COL9A2: variants seen among roughly 807,000 people sequenced by gnomAD.
COL9A2 encodes the protein collagen type IX alpha 2 chain, also known as collagen alpha-2(IX) chain.
A neutral mutation model predicts 111.6 loss-of-function variants in COL9A2; 66 were observed. That is an observed-to-expected ratio of 0.59 (90% CI 0.48 to 0.73). The LOEUF (loss-of-function observed/expected upper bound fraction) is 0.73. COL9A2 is among the 30% of genes least tolerant of loss of function. The probability of loss-of-function intolerance (pLI) is 0.00; values close to 1 mark genes in which losing one functional copy is unlikely to be tolerated. For missense variants in COL9A2, 881 were observed against 954.1 expected (o/e 0.92, Z 1.01); for synonymous variants, 353 against 364.1 (o/e 0.97, Z 0.35).
At position 40,306,141 on chromosome 1, in the gene COL9A2, A is replaced by C. The variant is rs1309971905; in HGVS notation, c.1053+2T>G. The C allele has an allele frequency of 1.3e-5, 21 of 1,613,996 alleles. No homozygotes were observed. Among genetic ancestry groups the C allele is most frequent in the Non-Finnish European group, 1.8e-5 (21 of 1,179,994 alleles). On this transcript the variant is annotated splice_donor_variant, in intron 20 of 31. Coordinates refer to ENST00000372748, the MANE Select transcript of COL9A2 (RefSeq NM_001852.4). LOFTEE classifies it high-confidence loss of function. ...TCTGTCCCCAGCTTGGGATCGCCTC[A>C]CCTGGTCTCCAGGGCCTCCTTTTGT... is the stretch of plus-strand genomic sequence containing the variant.
Position 40,305,715 on chromosome 1 carries a change from C to T in COL9A2, c.1107G>A (p.Glu369=). 6.2e-7 allele frequency: 1 copy of T among 1,614,094 alleles called. No individual in the cohort carries two copies. The highest frequency in any genetic ancestry group is 1.1e-5 in the South Asian group (1 of 91,080). ...TTGTGTCAGTGCAGGGGGCATTTAC[C>T]TCTTTCCCAGGGGGACCAGAGAATC... ...LPGFSGPPGK[E]GEPGPRGEIG... The change falls in exon 21 of 32, where the codon GAG becomes GAA. Residue 369 remains glutamate, a splice_region_variant and synonymous_variant. Transcript: ENST00000372748.
Position 40,316,898 on chromosome 1 carries a change from C to G in COL9A2, c.75+225G>C. On this transcript the variant is annotated intron_variant, in intron 1 of 31. Coordinates refer to ENST00000372748, the MANE Select transcript of COL9A2 (RefSeq NM_001852.4). The surrounding 1 kb of genome is among the most constrained non-coding windows in gnomAD (Gnocchi z 5.5). ...GCCTGTCCCGGGCCGGGCCGCGCGTCTGGGGACGGGTCCCGTTTGACTCTC... is the reference window on the plus strand; with the variant it reads ...GCCTGTCCCGGGCCGGGCCGCGCGTGTGGGGACGGGTCCCGTTTGACTCTC... 6.6e-6 allele frequency among the ~76,000 whole-genome samples: 1 copy of G among 152,198 alleles called. No homozygotes were observed. The highest frequency in any genetic ancestry group is 1.9e-4 in the East Asian group (1 of 5,188).
At chr1:40,304,034 G>T in intron 25 of COL9A2, 30 bp downstream of exon 25, 1 of 1,575,784 alleles carries the variant, frequency 6.3e-7, no homozygotes, top group Non-Finnish European at 8.6e-7. Context: ...AGGGTTGGGG[G>T]TCGCTGGGAA....
At position 40,316,920 on chromosome 1, in the gene COL9A2, T is replaced by A. The variant is rs1305557306; in HGVS notation, c.75+203A>T. On this transcript the variant is annotated intron_variant, in intron 1 of 31. Transcript: ENST00000372748. This position sits in a 1 kb window ranked among gnomAD's most constrained non-coding sequence, Gnocchi z 5.5. ...CGTCTGGGGACGGGTCCCGTTTGAC[T>A]CTCCGGCTCAGCCACCTCCATTCAC... Among the ~76,000 whole-genome samples, 1 of 152,076 alleles carries A rather than the reference T, an allele frequency of 6.6e-6. No homozygotes were observed. Among genetic ancestry groups the A allele is most frequent in the African/African-American group, 2.4e-5 (1 of 41,418 alleles).
chr1:40,317,271 C>G lies in COL9A2; in HGVS notation c.-74G>C. On this transcript the variant is annotated 5_prime_UTR_variant, in exon 1 of 32. Transcript: ENST00000372748. This position sits in a 1 kb window ranked among gnomAD's most constrained non-coding sequence, Gnocchi z 4.3. ...GACGGCAGAGTCTCCCGGCGCTCCT[C>G]CAGCGCTGGCTGTTCGCGGGCAGGG... The G allele has an allele frequency of 1.7e-6, 2 of 1,150,764 alleles. No individual in the cohort carries two copies. Among genetic ancestry groups the G allele is most frequent in the Non-Finnish European group, 2.5e-6 (2 of 790,544 alleles). 71.3% of individuals were successfully genotyped at this position (1,150,764 alleles called of 1,614,324 possible). A position where few individuals can be genotyped will look rare whatever the true frequency, so the allele number is the denominator to read the frequency against.
intron 31 of COL9A2, 45 bp from the exon 32 acceptor site, chr1:40,301,426 C>A: frequency 1.3e-6 from 2 of 1,544,216 alleles, no homozygotes; most frequent in Non-Finnish European, 1.8e-6. Flanking sequence ...CCTCTTGTCT[C>A]AGGCCCAGAA....
chr1:40,304,559 A>C, intron 22 of COL9A2, 30 bp from the exon 23 acceptor site: 2 of 1,613,082 alleles, frequency 1.2e-6, no homozygotes, highest in Non-Finnish European at 1.7e-6. Context: ...TCACAACCTC[A>C]GCAGCTCTCA....
At chr1:40,308,025 C>T (rs1048509183) in intron 17 of COL9A2, among the ~76,000 whole-genome samples, 167 bp downstream of exon 17, 8 of 152,172 alleles carry the variant, frequency 5.3e-5, no homozygotes, top group African/African-American at 1.9e-4. Context: ...CCCCTGTTTA[C>T]AGGTGAAGAA....
chr1:40,305,837 C>G, intron 20 of COL9A2, 69 bp from the exon 21 acceptor site: 1 of 1,422,710 alleles, frequency 7.0e-7, no homozygotes, highest in Non-Finnish European at 9.9e-7. Flanking sequence ...GGAAACCCAA[C>G]GAAGCCTAAA....
At chr1:40,304,261 AC>A in intron 24 of COL9A2, 58 bp downstream of exon 24, 1 of 1,540,822 alleles carries the variant, frequency 6.5e-7, no homozygotes, top group Non-Finnish European at 8.8e-7. Flanking sequence ...AGTCCTGCCG[AC>A]CCCACTCCCC....
Position 40,303,423 on chromosome 1 carries a change from C to T in COL9A2, c.1548+107G>A, listed in dbSNP as rs530293339. 57 of 1,483,638 alleles carry T rather than the reference C, an allele frequency of 3.8e-5. No homozygotes were observed. In the East Asian group the frequency reaches 9.9e-4, roughly 26 times the overall value. The allele number at this position is 1,483,638 out of a possible 1,614,324, so 91.9% of individuals were successfully genotyped here. A position where few individuals can be genotyped will look rare whatever the true frequency, so the allele number is the denominator to read the frequency against. The stretch of plus-strand genomic sequence containing the variant: ...CTGCTCTGGGGCTTGGAACCAGTCT[C>T]GGGGAAGTCGGTGAGTCTCTGGGAA... On this transcript the variant is annotated intron_variant, in intron 28 of 31. Transcript: ENST00000372748. The surrounding 1 kb of genome is among the most constrained non-coding windows in gnomAD (Gnocchi z 4.6).
In COL9A2 at chr1:40,314,024, C is replaced by G. The variant is rs750777728; in HGVS notation, c.249+181G>C. ...ACCCCGGTTGCCTGCAAATCAATGACCCTGGGTGAGAGTGAGGTTCCAGGA... is the reference window on the plus strand; with the variant it reads ...ACCCCGGTTGCCTGCAAATCAATGAGCCTGGGTGAGAGTGAGGTTCCAGGA... On this transcript the variant is annotated intron_variant, in intron 4 of 31. Transcript: ENST00000372748. The surrounding 1 kb of genome is among the most constrained non-coding windows in gnomAD (Gnocchi z 4.1). Among the ~76,000 whole-genome samples, 1 of 152,176 alleles carries G rather than the reference C, an allele frequency of 6.6e-6. No individual in the cohort carries two copies. Among genetic ancestry groups the G allele is most frequent in the Non-Finnish European group, 1.5e-5 (1 of 68,042 alleles).
rs1156411055 is a variant in COL9A2 at position 40,302,633 on chromosome 1, T to A, written c.1780A>T (p.Thr594Ser). The change falls in exon 30 of 32, where the codon ACG (threonine) becomes TCG (serine). Residue 594 changes from threonine to serine, a missense_variant. By Grantham distance (58) the Thr-to-Ser change is moderately conservative. Transcript: ENST00000372748. This position sits in a 1 kb window ranked among gnomAD's most constrained non-coding sequence, Gnocchi z 4.5. ...IVGAVGQIGN[T>S]GPKGKRGEKG... ...GAGGAGCACTCACCCTTGGGCCCCG[T>A]GTTGCCGATCTGACCCACGGCTCCC... is the stretch of plus-strand genomic sequence containing the variant. The A allele has an allele frequency of 1.9e-6, 3 of 1,601,694 alleles. No individual in the cohort carries two copies. The Admixed American group carries it at 5.1e-5, about 27-fold the overall frequency.
rs150687987 is a variant in COL9A2, at chr1:40,301,270, G to A, written c.1982C>T (p.Pro661Leu). 2.8e-3 allele frequency: 4,457 copies of A among 1,614,048 alleles called. 6 individuals carry two copies. Among genetic ancestry groups the A allele is most frequent in the Non-Finnish European group, 3.4e-3 (4,011 of 1,179,972 alleles). The change falls in exon 32 of 32, where the codon CCG becomes CTG. Residue 661 changes from proline (P) to leucine (L), a missense_variant. Pro to Leu is a moderately conservative substitution (Grantham distance 98, BLOSUM62 -3). Transcript: ENST00000372748. ...RPGLPGPVGL[P>L]GFCEPAACLG... The stretch of plus-strand genomic sequence containing the variant: ...GCAGGCGGCAGGTTCACAGAAGCCC[G>A]GCAGCCCCACGGGGCCTGGCAGGCC...
intron 1 of COL9A2, 174 bp from the exon 2 acceptor site, chr1:40,315,838 A>T: frequency 1.9e-6 from 1 of 526,208 alleles, no homozygotes; most frequent in Non-Finnish European, 3.4e-6. Context: ...TGCATTCATT[A>T]TCTTACAGAA....
rs189954693 is a variant in COL9A2 at position 40,304,445 on chromosome 1, G to A, written c.1215+31C>T. 4,159 of 1,613,822 alleles carry A rather than the reference G, an allele frequency of 2.6e-3. 9 individuals carry two copies. The highest frequency in any genetic ancestry group is 3.2e-3 in the Non-Finnish European group (3,765 of 1,179,828). The stretch of plus-strand genomic sequence containing the variant: ...ATGGAATGAGGGGCCTGGATATGAC[G>A]CCCTGCCCACCTTAGCTGGCCTGCA... On this transcript the variant is annotated intron_variant, in intron 23 of 31. Transcript: ENST00000372748.
Position 40,302,615 on chromosome 1 carries a change from A to C in COL9A2, c.1792+6T>G. The C allele has an allele frequency of 3.1e-6, 5 of 1,596,156 alleles. No homozygotes were observed. The highest frequency in any genetic ancestry group is 4.3e-6 in the Non-Finnish European group (5 of 1,173,712). Reference sequence around the variant, plus strand: ...GCCCCCATGCCCACCGCAGAGGAGCACTCACCCTTGGGCCCCGTGTTGCCG... The same window carrying C: ...GCCCCCATGCCCACCGCAGAGGAGCCCTCACCCTTGGGCCCCGTGTTGCCG... On this transcript the variant is annotated splice_donor_region_variant and intron_variant, in intron 30 of 31. Transcript: ENST00000372748. The surrounding 1 kb of genome is among the most constrained non-coding windows in gnomAD (Gnocchi z 4.5).
Position 40,307,459 on chromosome 1 carries a change from T to A in COL9A2, c.995A>T (p.His332Leu), listed in dbSNP as rs555032997. 1.2e-6 allele frequency: 2 copies of A among 1,614,092 alleles called. No homozygotes were observed. The change falls in exon 19 of 32, where the codon CAC becomes CTC. Residue 332 changes from histidine (H) to leucine (L), a missense_variant. His to Leu is a moderately conservative substitution (Grantham distance 99, BLOSUM62 -3). Coordinates refer to ENST00000372748, the MANE Select transcript of COL9A2 (RefSeq NM_001852.4). This position sits in a 1 kb window ranked among gnomAD's most constrained non-coding sequence, Gnocchi z 4.8. ...CCTGACACTTACCGCTAGGCCCTGG[T>A]GGCCTGGACTTCCGGGCTGTCCCGC... ...GQAGQPGSPGHQGLAGVPGQP... is the reference protein window; with the variant it reads ...GQAGQPGSPGLQGLAGVPGQP...
intron 16 of COL9A2, among the ~76,000 whole-genome samples, chr1:40,308,704 G>A (rs1423165717): frequency 3.3e-5 from 5 of 152,238 alleles, no homozygotes; most frequent in Admixed American, 6.5e-5. Flanking sequence ...ATGTGATTAT[G>A]TGAGAATGAG....
Sources: gnomAD v4.1 joint callset for allele counts (sites outside exome capture counted in the v4.1 genomes callset) on GRCh38, gnomAD v4.1.1 for gene constraint, Gnocchi (gnomAD v3.1) non-coding constraint, MANE v1.5 for transcripts, NCBI Gene and HGNC (gene_info 2026-07-23, HGNC 2026-07-21) for gene names.